ULK4: variants seen among roughly 807,000 people sequenced by gnomAD.
ULK4 encodes inactive serine/threonine-protein kinase ULK4.
A neutral mutation model predicts 160.6 loss-of-function variants in ULK4; 133 were observed. The ratio of observed to expected loss-of-function variants is 0.83; its 90% CI spans 0.72 to 0.96. ULK4 has a LOEUF of 0.96. Among genes scored for constraint, ULK4 ranks in the 40% least tolerant of loss-of-function variants. The pLI is 0.00. For missense variants in ULK4, 1,580 were observed against 1,499.5 expected (o/e 1.05, Z -0.89); for synonymous variants, 534 against 539.8 (o/e 0.99, Z 0.15).
chr3:41,501,708 T>G (rs1345945668), intron 32 of ULK4, among the ~76,000 whole-genome samples: 1 of 152,186 alleles, frequency 6.6e-6, no homozygotes, highest in Non-Finnish European at 1.5e-5. Context: ...GTATATACAA[T>G]GCATTATTGT....
intron 35 of ULK4, among the ~76,000 whole-genome samples, chr3:41,359,222 C>T (rs60482228): frequency 0.039 from 5,888 of 152,232 alleles, 299 homozygotes; most frequent in East Asian, 0.19. Flanking sequence ...GCCAATGAGC[C>T]AAGTGGGCGA....
At chr3:41,724,097 G>A (rs1482003632) in intron 22 of ULK4, among the ~76,000 whole-genome samples, 1 of 152,162 alleles carries the variant, frequency 6.6e-6, no homozygotes, top group African/African-American at 2.4e-5. Context: ...TTACCAAATA[G>A]CTGAAAGCCT....
chr3:41,667,606 T>TC lies in ULK4; in HGVS notation c.2979-3908_2979-3907insG, dbSNP rs199616845. Among the ~76,000 whole-genome samples, 811 of 152,330 alleles carry TC rather than the reference T, an allele frequency of 5.3e-3. 21 individuals are homozygous for TC. The East Asian group carries it at 0.085, about 16-fold the overall frequency. The stretch of plus-strand genomic sequence containing the variant: ...TAACCAGTGAAGAGCTGGCCCATTC[T>TC]GATGGACTAGGGGCTGGAGAGGAGC... On this transcript the variant is annotated intron_variant, in intron 29 of 36. Transcript: ENST00000301831.
At chr3:41,754,056 C>A (rs1271409510) in intron 22 of ULK4, among the ~76,000 whole-genome samples, 1 of 152,092 alleles carries the variant, frequency 6.6e-6, no homozygotes, top group Non-Finnish European at 1.5e-5. Flanking sequence ...CCAATTACTC[C>A]CACTTGGTCC....
chr3:41,948,442 A>C (rs1460097184), intron 2 of ULK4, among the ~76,000 whole-genome samples: 1 of 151,948 alleles, frequency 6.6e-6, no homozygotes, highest in Non-Finnish European at 1.5e-5. Flanking sequence ...AAGAGTCTGG[A>C]CTCTGTCTCA....
intron 34 of ULK4, among the ~76,000 whole-genome samples, chr3:41,414,521 G>C (rs962294196): frequency 6.6e-6 from 1 of 152,056 alleles, no homozygotes; most frequent in African/African-American, 2.4e-5. Flanking sequence ...GCCTGGTTCA[G>C]TGCTTTGTCA....
At position 41,712,084 on chromosome 3, in the gene ULK4, T is replaced by C. The variant is rs184411637; in HGVS notation, c.2634+3153A>G. 4.6e-4 allele frequency among the ~76,000 whole-genome samples: 70 copies of C among 152,282 alleles called. 1 individual carries two copies. The highest frequency in any genetic ancestry group is 2.0e-3 in the Admixed American group (31 of 15,294). On this transcript the variant is annotated intron_variant, in intron 25 of 36. Coordinates refer to ENST00000301831, the MANE Select transcript of ULK4 (RefSeq NM_017886.4). ...TTTCCAAATGCTAGTCTCTTTAAAA[T>C]ATAAGGTGACCAAAACTTCATTTTC...
At chr3:41,557,278 T>C (rs11926714) in intron 32 of ULK4, among the ~76,000 whole-genome samples, 74,796 of 151,342 alleles carry the variant, frequency 0.49, 18,698 homozygotes, top group Middle Eastern at 0.59. Flanking sequence ...CCCACTCTAT[T>C]TGAAACTTGT....
At chr3:41,317,063 ATTTTTTTTT>A (rs1164870603) in intron 35 of ULK4, among the ~76,000 whole-genome samples, 2 of 94,522 alleles carry the variant, frequency 2.1e-5, no homozygotes, top group African/African-American at 4.3e-5. Context: ...AATTACATCT[ATTTTTTTTT>A]TTTTTTTTTT....
chr3:41,674,187 A>C (rs1401334769), intron 29 of ULK4, among the ~76,000 whole-genome samples: 2 of 152,204 alleles, frequency 1.3e-5, no homozygotes, highest in Non-Finnish European at 2.9e-5. Context: ...CCTGAGTGAA[A>C]AATCTAGTCC....
chr3:41,860,708 T>C (rs533788933), intron 17 of ULK4, among the ~76,000 whole-genome samples: 30 of 152,336 alleles, frequency 2.0e-4, no homozygotes, highest in Admixed American at 1.5e-3. Context: ...GTTTAGTCCA[T>C]TTACATTCAA....
At chr3:41,719,467 T>C (rs2037378988) in intron 22 of ULK4, among the ~76,000 whole-genome samples, 1 of 152,182 alleles carries the variant, frequency 6.6e-6, no homozygotes, top group South Asian at 2.1e-4. Context: ...AAAATAAAAA[T>C]CATCATCTCA....
intron 35 of ULK4, among the ~76,000 whole-genome samples, chr3:41,255,776 C>T (rs139311167): frequency 6.6e-6 from 1 of 152,290 alleles, no homozygotes; most frequent in African/African-American, 2.4e-5. Context: ...AATCCACAAT[C>T]ATGGTGACAT....
chr3:41,847,569 C>T (rs538929721), intron 17 of ULK4, among the ~76,000 whole-genome samples: 46 of 152,264 alleles, frequency 3.0e-4, no homozygotes, highest in African/African-American at 1.1e-3. Flanking sequence ...TCCCTAACCC[C>T]TGAAATAAGA....
Position 41,789,654 on chromosome 3 carries a change from G to A in ULK4, c.2193+7C>T. ...ATGTAGAGTAACAGGTAAAATCTAA[G>A]TCAAACCTTTTCTTGGATTAGTCTT... On this transcript the variant is annotated splice_region_variant and intron_variant, in intron 21 of 36. Transcript: ENST00000301831. The A allele has an allele frequency of 6.4e-7, 1 of 1,562,024 alleles. No individual in the cohort carries two copies. The highest frequency in any genetic ancestry group is 8.7e-7 in the Non-Finnish European group (1 of 1,155,392).
At chr3:41,709,896 TAAC>T (rs1319985754) in intron 25 of ULK4, among the ~76,000 whole-genome samples, 1 of 152,184 alleles carries the variant, frequency 6.6e-6, no homozygotes, top group East Asian at 1.9e-4. Context: ...GTAGTGTACG[TAAC>T]AACAATCCCT....
At chr3:41,300,683 G>A (rs1352868608) in intron 35 of ULK4, among the ~76,000 whole-genome samples, 5 of 151,472 alleles carry the variant, frequency 3.3e-5, no homozygotes, top group African/African-American at 1.2e-4. Flanking sequence ...TTGTACAAAA[G>A]CATCACACAG....
chr3:41,958,635 C>A (rs1373264111), intron 1 of ULK4, among the ~76,000 whole-genome samples: 1 of 151,554 alleles, frequency 6.6e-6, no homozygotes, highest in African/African-American at 2.4e-5. Context: ...TGGCTTGAAC[C>A]CAGAAGGCAG....
At chr3:41,505,474 A>G (rs1386973675) in intron 32 of ULK4, among the ~76,000 whole-genome samples, 6 of 152,228 alleles carry the variant, frequency 3.9e-5, no homozygotes, top group African/African-American at 9.6e-5. Context: ...TGTTTTGAAC[A>G]TTATAAACAT....
Sources: allele counts gnomAD v4.1 joint callset (sites outside exome capture counted in the v4.1 genomes callset), GRCh38; gene constraint gnomAD v4.1.1; transcripts MANE v1.5; gene names NCBI Gene and HGNC (gene_info 2026-07-23, HGNC 2026-07-21).